TTLL11: variants seen among roughly 807,000 people sequenced by gnomAD.
TTLL11 encodes tubulin tyrosine ligase like 11.
A neutral mutation model predicts 51.7 loss-of-function variants in TTLL11; 42 were observed. The observed-to-expected ratio is 0.81, with a 90% CI of 0.64 to 1.05. The LOEUF is 1.05. Ranked by LOEUF, TTLL11 falls within the 50% of genes least tolerant of loss-of-function variation. The pLI, the probability that TTLL11 is intolerant of heterozygous loss-of-function variation, is 0.00. For missense variants in TTLL11, 799 were observed against 940.4 expected, an observed-to-expected ratio of 0.85 and a Z score of 1.97; for synonymous variants, 381 against 383.5, an observed-to-expected ratio of 0.99 and a Z score of 0.08.
chr9:122,015,151 C>T (rs1317510084), intron 3 of TTLL11, among the ~76,000 whole-genome samples: 1 of 152,118 alleles, frequency 6.6e-6, no homozygotes, highest in Non-Finnish European at 1.5e-5. Context: ...ACACAGATGC[C>T]AGTCGTCATT....
chr9:122,055,142 G>C (rs369003427), intron 1 of TTLL11, among the ~76,000 whole-genome samples: 7 of 152,136 alleles, frequency 4.6e-5, no homozygotes, highest in African/African-American at 1.7e-4. Flanking sequence ...GGTTAGTGGT[G>C]ACAGGCAAAG....
chr9:121,826,223 C>CAA (rs1382049021), intron 8 of TTLL11, among the ~76,000 whole-genome samples: 2 of 35,568 alleles, frequency 5.6e-5, no homozygotes, highest in South Asian at 1.3e-3. Flanking sequence ...TATATGCACA[C>CAA]ATATATATAT....
chr9:122,019,199 C>T (rs1000217947), intron 3 of TTLL11, among the ~76,000 whole-genome samples: 1 of 152,218 alleles, frequency 6.6e-6, no homozygotes, highest in Non-Finnish European at 1.5e-5. Flanking sequence ...ATACAACCTT[C>T]AGCATCTCTT....
At chr9:122,027,092 C>A (rs1415664736) in intron 3 of TTLL11, among the ~76,000 whole-genome samples, 1 of 152,064 alleles carries the variant, frequency 6.6e-6, no homozygotes, top group East Asian at 1.9e-4. Context: ...TCAGGAAACT[C>A]TCAATCGTGG....
intron 7 of TTLL11, among the ~76,000 whole-genome samples, chr9:121,862,607 C>G (rs1240134975): frequency 1.3e-5 from 2 of 152,200 alleles, no homozygotes; most frequent in Non-Finnish European, 2.9e-5. Context: ...CTTGGGCTCT[C>G]TCTTCAGACT....
intron 1 of TTLL11, 71 bp downstream of exon 1, chr9:122,092,616 C>T: frequency 6.5e-7 from 1 of 1,527,770 alleles, no homozygotes; most frequent in South Asian, 1.2e-5. Flanking sequence ...TGACCTGGGC[C>T]GTGCCGAGAC....
At position 121,822,601 on chromosome 9, in the gene TTLL11, G is replaced by A. The variant is rs1836613683; in HGVS notation, c.2119C>T (p.His707Tyr). 1.4e-6 allele frequency: 2 copies of A among 1,472,360 alleles called. No homozygotes were observed. The highest frequency in any genetic ancestry group is 2.8e-5 in the South Asian group (2 of 70,320). The allele number at this position is 1,472,360 out of a possible 1,614,324, so 91.2% of individuals were successfully genotyped here. A position where few individuals can be genotyped will look rare whatever the true frequency, so the allele number is the denominator to read the frequency against. Reference sequence around the variant, plus strand: ...CAGAGTGGCCCTCAGGACAGGGTATGTCTGGGATGGGAGAGCTTATTGGCA... The same window carrying A: ...CAGAGTGGCCCTCAGGACAGGGTATATCTGGGATGGGAGAGCTTATTGGCA... ...SCANKLSHPRHTLS is the reference protein window; with the variant it reads ...SCANKLSHPRYTLS Residue 707 changes from histidine to tyrosine, a missense_variant, in exon 9 of 9, where the codon CAT becomes TAT. Physicochemically the swap from His to Tyr is moderately conservative, Grantham distance 83. Around this residue, in one of 3 missense-constraint regions of TTLL11, gnomAD observed 165 missense variants for 166.1 expected, o/e 0.99. Transcript: ENST00000321582. This position sits in a 1 kb window ranked among gnomAD's most constrained non-coding sequence, Gnocchi z 5.8.
chr9:122,043,407 CA>C (rs1844902010), intron 1 of TTLL11, among the ~76,000 whole-genome samples: 1 of 152,128 alleles, frequency 6.6e-6, no homozygotes, highest in Non-Finnish European at 1.5e-5. Flanking sequence ...GTCTTTTCAA[CA>C]AGTGGTGCTG....
chr9:122,056,190 T>C lies in TTLL11; in HGVS notation c.463-16822A>G, dbSNP rs569751053. 2.6e-5 allele frequency among the ~76,000 whole-genome samples: 4 copies of C among 152,318 alleles called. No individual in the cohort carries two copies. The East Asian group carries it at 7.7e-4, about 29-fold the overall frequency. On this transcript the variant is annotated intron_variant, in intron 1 of 8. Transcript: ENST00000321582. Reference sequence around the variant, plus strand: ...GGACTAACTAAAGGTGACTCGGCTTTGCCCCCTCCAAATTCATTTGCTCCT... The same window carrying C: ...GGACTAACTAAAGGTGACTCGGCTTCGCCCCCTCCAAATTCATTTGCTCCT...
chr9:122,093,163 G>A lies in TTLL11; in HGVS notation c.-15C>T, dbSNP rs532438693. 141 of 1,494,696 alleles carry A rather than the reference G, an allele frequency of 9.4e-5. 3 individuals are homozygous for A. The South Asian group carries it at 1.7e-3, about 18-fold the overall frequency. The allele number at this position is 1,494,696 out of a possible 1,614,324, so 92.6% of individuals were successfully genotyped here. Reference sequence around the variant, plus strand: ...CCCCGCCGCATGGTGCTCAGGGCCGGGGCCAGTGCCAGTGCCACCGCCGCC... The same window carrying A: ...CCCCGCCGCATGGTGCTCAGGGCCGAGGCCAGTGCCAGTGCCACCGCCGCC... On this transcript the variant is annotated 5_prime_UTR_variant, in exon 1 of 9. Coordinates refer to ENST00000321582, the MANE Select transcript of TTLL11 (RefSeq NM_001139442.2).
intron 6 of TTLL11, among the ~76,000 whole-genome samples, chr9:121,927,439 A>C (rs974827527): frequency 6.6e-6 from 1 of 152,028 alleles, no homozygotes; most frequent in African/African-American, 2.4e-5. Context: ...CTCTATAAAC[A>C]CCCTCTCCCT....
At chr9:121,862,176 T>G (rs377021729) in intron 7 of TTLL11, among the ~76,000 whole-genome samples, 4 of 141,374 alleles carry the variant, frequency 2.8e-5, no homozygotes, top group Admixed American at 7.1e-5. Context: ...CCTCCCCAGC[T>G]TTTTTTTTTT....
chr9:121,893,747 C>T (rs568427184), intron 6 of TTLL11, among the ~76,000 whole-genome samples: 1 of 152,246 alleles, frequency 6.6e-6, no homozygotes, highest in South Asian at 2.1e-4. Flanking sequence ...CCACTTACGT[C>T]TACTCAATGG....
chr9:122,086,836 A>G (rs902392838), intron 1 of TTLL11, among the ~76,000 whole-genome samples: 6 of 152,256 alleles, frequency 3.9e-5, no homozygotes, highest in African/African-American at 1.4e-4. Flanking sequence ...ATCATAAAAC[A>G]CTTAAAAGTG....
rs1258667862 is a variant in TTLL11 at position 121,974,083 on chromosome 9, A to G, written c.1407T>C (p.Asp469=). ...TGATCACAGCCACTTTCACTTCTTC[A>G]TCAACGAGGCTGGGGACATTTTCAA... The part of the protein sequence containing the change: ...GVFENVPSLV[D]EEVKVAVIRD... The change falls in exon 6 of 9, where the codon GAT becomes GAC. Residue 469 remains aspartate, a synonymous_variant. Transcript: ENST00000321582. 1.9e-6 allele frequency: 3 copies of G among 1,551,678 alleles called. No homozygotes were observed. The highest frequency in any genetic ancestry group is 1.7e-6 in the Non-Finnish European group (2 of 1,146,988).
chr9:122,004,931 C>T (rs1413550318), intron 3 of TTLL11, among the ~76,000 whole-genome samples: 2 of 152,150 alleles, frequency 1.3e-5, no homozygotes, highest in Non-Finnish European at 2.9e-5. Context: ...AAGTACAATG[C>T]CAGAGACTGA....
At chr9:121,839,999 T>C (rs1837302872) in intron 8 of TTLL11, among the ~76,000 whole-genome samples, 1 of 152,172 alleles carries the variant, frequency 6.6e-6, no homozygotes, top group African/African-American at 2.4e-5. Context: ...AGAGCACAAA[T>C]GAGAGAGAAG....
chr9:121,859,778 A>G (rs528604836), intron 8 of TTLL11, among the ~76,000 whole-genome samples: 2 of 152,316 alleles, frequency 1.3e-5, no homozygotes, highest in South Asian at 4.1e-4. Context: ...GGCCACGGCC[A>G]GGCAATAGCC....
chr9:121,827,492 A>G (rs1836848883), intron 8 of TTLL11, among the ~76,000 whole-genome samples: 1 of 152,118 alleles, frequency 6.6e-6, no homozygotes, highest in African/African-American at 2.4e-5. Context: ...CCCTCAAACC[A>G]CATCTCCCCC....
Sources: gnomAD v4.1 joint callset for allele counts (sites outside exome capture counted in the v4.1 genomes callset) on GRCh38, gnomAD v4.1.1 for gene constraint, gnomAD v4.1.1 regional missense constraint, Gnocchi (gnomAD v3.1) non-coding constraint, MANE v1.5 for transcripts, NCBI Gene and HGNC (gene_info 2026-07-23, HGNC 2026-07-21) for gene names.